Variants in HERC5 observed in about 807,000 individuals in gnomAD.
The protein encoded by HERC5 is HECT and RLD domain containing E3 ubiquitin protein ligase 5, also known as E3 ISG15--protein ligase HERC5.
Under a neutral mutation model 119.6 loss-of-function variants are expected in HERC5, and 99 were observed. The ratio of observed to expected loss-of-function variants is 0.83; its 90% CI spans 0.70 to 0.98. The LOEUF is 0.98. HERC5 is among the 50% of genes least tolerant of loss of function. The probability of loss-of-function intolerance (pLI) is 0.00; values close to 1 mark genes in which losing one functional copy is unlikely to be tolerated. For synonymous variants in HERC5, 478 were observed against 445.9 expected (o/e 1.07, Z -0.91); for missense variants, 1,267 against 1,241.3 (o/e 1.02, Z -0.31).
In HERC5 at chr4:88,463,534, A is replaced by G. The variant is rs1740524935; in HGVS notation, c.691A>G (p.Lys231Glu). ...CAGCTATTTTTTTCCTTACATAGGT[A>G]AAGATGATCCATCCCTTATTGAAGG... ...GQLGLGHTES[K>E]DDPSLIEGLD... is the part of the protein sequence containing the mutation. The change falls in exon 5 of 23, where the codon AAA becomes GAA. Residue 231 changes from lysine (K) to glutamate (E), a missense_variant and splice_region_variant. By Grantham distance (56) the Lys-to-Glu change is moderately conservative (BLOSUM62 1). Coordinates refer to ENST00000264350, the MANE Select transcript of HERC5 (RefSeq NM_016323.4). The G allele has an allele frequency of 6.2e-7, 1 of 1,610,946 alleles. No homozygotes were observed. Among genetic ancestry groups the G allele is most frequent in the Non-Finnish European group, 8.5e-7 (1 of 1,177,394 alleles).
chr4:88,467,316 C>T lies in HERC5; in HGVS notation c.1057+112C>T, dbSNP rs977514178. ...ACATATGACTATGAAGGGAGTTTCT[C>T]TAAATACTGGTTTCATTTTTTACTG... On this transcript the variant is annotated intron_variant, in intron 7 of 22. Transcript: ENST00000264350. The T allele has an allele frequency of 6.5e-6, 7 of 1,076,160 alleles. No individual in the cohort carries two copies. The African/African-American group carries it at 9.6e-5, about 15-fold the overall frequency. 66.7% of individuals were successfully genotyped at this position (1,076,160 alleles called of 1,614,324 possible).
chr4:88,498,214 G>C (rs1018962584), intron 18 of HERC5, among the ~76,000 whole-genome samples: 3 of 152,212 alleles, frequency 2.0e-5, no homozygotes, highest in African/African-American at 7.2e-5. Flanking sequence ...GCAATGCCTA[G>C]TGGAGTCATG....
In HERC5 at chr4:88,500,971, C is replaced by T. The variant is rs1741929767; in HGVS notation, c.2568C>T (p.Val856=). Residue 856 remains valine, a synonymous_variant, in exon 20 of 23, where the codon GTC becomes GTT. Transcript: ENST00000264350. ...TTCCTAATGGAAGTAGCATAACTGT[C>T]AACCAGACTAACAAGTAGGTACAAA... is the stretch of plus-strand genomic sequence containing the variant. ...NLIPNGSSIT[V]NQTNKRDYVS... 1 of 1,610,290 alleles carries T rather than the reference C, an allele frequency of 6.2e-7. No individual in the cohort carries two copies. The highest frequency in any genetic ancestry group is 8.5e-7 in the Non-Finnish European group (1 of 1,178,262).
intron 14 of HERC5, 45 bp downstream of exon 14, chr4:88,486,273 T>C: frequency 8.6e-7 from 1 of 1,166,606 alleles, no homozygotes; most frequent in Non-Finnish European, 1.3e-6. Flanking sequence ...ATCAGTGAGT[T>C]AATACAGGCA....
chr4:88,499,484 T>C (rs554668482), intron 18 of HERC5, among the ~76,000 whole-genome samples: 20 of 152,306 alleles, frequency 1.3e-4, no homozygotes, highest in African/African-American at 4.6e-4. Flanking sequence ...CTTGATGATA[T>C]TGGGACAAGA....
Position 88,493,167 on chromosome 4 carries a change from C to A in HERC5, c.2277+12C>A, listed in dbSNP as rs774633208. Reference sequence around the variant, plus strand: ...GGTTTCCTGTCAAGGTAAGTTCCCTCTTCTTTGCTTAAGGTATTTTGCGAC... The same window carrying A: ...GGTTTCCTGTCAAGGTAAGTTCCCTATTCTTTGCTTAAGGTATTTTGCGAC... On this transcript the variant is annotated intron_variant, in intron 17 of 22. Coordinates refer to ENST00000264350, the MANE Select transcript of HERC5 (RefSeq NM_016323.4). 6.3e-7 allele frequency: 1 copy of A among 1,589,644 alleles called. No individual in the cohort carries two copies. The highest frequency in any genetic ancestry group is 8.6e-7 in the Non-Finnish European group (1 of 1,158,980).
intron 12 of HERC5, among the ~76,000 whole-genome samples, chr4:88,477,462 G>A (rs1741120138): frequency 1.1e-5 from 1 of 94,300 alleles, no homozygotes; most frequent in Non-Finnish European, 2.2e-5. Context: ...GTGAAGGGAA[G>A]GGAACGGAAA....
At chr4:88,481,737 T>C (rs982971216) in intron 13 of HERC5, among the ~76,000 whole-genome samples, 3 of 152,058 alleles carry the variant, frequency 2.0e-5, no homozygotes, top group African/African-American at 7.2e-5. Flanking sequence ...CCACAGGCAA[T>C]ACAAAAATGA....
At position 88,469,184 on chromosome 4, in the gene HERC5, A is replaced by G. The variant is rs114749403; in HGVS notation, c.1162A>G (p.Ile388Val). 14 of 1,611,860 alleles carry G rather than the reference A, an allele frequency of 8.7e-6. No individual in the cohort carries two copies. Among genetic ancestry groups the G allele is most frequent in the African/African-American group, 4.0e-5 (3 of 74,980 alleles). ...TTCATATGTTAATCTGAAGAGGACA[A>G]TTCCTACTCTGAATGAAGGGACTGT... ...ENSYVNLKRT[I>V]PTLNEGTVKR... is the part of the protein sequence containing the mutation. The change falls in exon 9 of 23, where the codon ATT becomes GTT. Residue 388 changes from isoleucine to valine, a missense_variant. Transcript: ENST00000264350.
chr4:88,491,461 G>C (rs1441412358), intron 16 of HERC5, among the ~76,000 whole-genome samples: 1 of 152,164 alleles, frequency 6.6e-6, no homozygotes, highest in East Asian at 1.9e-4. Context: ...CTGCAATTCT[G>C]TTTCTAGAAA....
rs780439103 is a variant in HERC5, at chr4:88,470,630, T to C, written c.1255T>C (p.Phe419Leu). 3 of 1,512,424 alleles carry C rather than the reference T, an allele frequency of 2.0e-6. No individual in the cohort carries two copies. The highest frequency in any genetic ancestry group is 2.7e-6 in the Non-Finnish European group (3 of 1,092,880). The allele number at this position is 1,512,424 out of a possible 1,614,324, so 93.7% of individuals were successfully genotyped here. ...QSTKREIQEI[F>L]SSPACLTGSF... ...CTAATATAGGGAAATCCAAGAGATATTTTCATCTCCTGCTTGTCTAACTGG... is the reference window on the plus strand; with the variant it reads ...CTAATATAGGGAAATCCAAGAGATACTTTCATCTCCTGCTTGTCTAACTGG... The change falls in exon 10 of 23, where the codon TTT becomes CTT. Residue 419 changes from phenylalanine (F) to leucine (L), a missense_variant. This residue lies in a region of HERC5 where 777 missense variants were observed against 758.0 expected (regional missense o/e 1.03). Transcript: ENST00000264350.
Position 88,463,838 on chromosome 4 carries a change from A to G in HERC5, c.781-17A>G, listed in dbSNP as rs1199356910. 4 of 1,612,788 alleles carry G rather than the reference A, an allele frequency of 2.5e-6. No homozygotes were observed. The highest frequency in any genetic ancestry group is 3.4e-6 in the Non-Finnish European group (4 of 1,179,588). Reference sequence around the variant, plus strand: ...TTTTATTTTTCTAGCATCTGATATGACATTCCCTTTCCTTAGGATGGGCTG... The same window carrying G: ...TTTTATTTTTCTAGCATCTGATATGGCATTCCCTTTCCTTAGGATGGGCTG... On this transcript the variant is annotated splice_polypyrimidine_tract_variant and intron_variant, in intron 5 of 22. Transcript: ENST00000264350.
chr4:88,489,248 A>T lies in HERC5; in HGVS notation c.2045A>T (p.Asp682Val). 6.2e-7 allele frequency: 1 copy of T among 1,613,996 alleles called. No individual in the cohort carries two copies. The highest frequency in any genetic ancestry group is 8.5e-7 in the Non-Finnish European group (1 of 1,179,902). The change falls in exon 16 of 23, where the codon GAT (aspartate) becomes GTT (valine). Residue 682 changes from aspartate to valine, a missense_variant. Physicochemically the swap from Asp to Val is radical, Grantham distance 152. This residue lies in a region of HERC5 where 473 missense variants were observed against 445.7 expected (regional missense o/e 1.06). Transcript: ENST00000264350. ...ESEFALRPTF[D>V]LTVRRNHLIE... ...GAATTCGCTTTGAGGCCCACGTTTG[A>T]TCTAACAGTCAGAAGGAATCACTTG...
Position 88,493,138 on chromosome 4 carries a change from A to G in HERC5, c.2260A>G (p.Met754Val). The G allele has an allele frequency of 2.5e-6, 4 of 1,613,888 alleles. No individual in the cohort carries two copies. The highest frequency in any genetic ancestry group is 2.5e-6 in the Non-Finnish European group (3 of 1,179,862). ...CATGTATCCTGAAGGGGCTTCCTGCATGTGGTTTCCTGTCAAGGTAAGTTC... is the reference window on the plus strand; with the variant it reads ...CATGTATCCTGAAGGGGCTTCCTGCGTGTGGTTTCCTGTCAAGGTAAGTTC... ...MFMYPEGASC[M>V]WFPVKPKFEK... Residue 754 changes from methionine to valine, a missense_variant, in exon 17 of 23, where the codon ATG (methionine) becomes GTG (valine). Physicochemically the swap from Met to Val is conservative, Grantham distance 21. This residue lies in a region of HERC5 where 473 missense variants were observed against 445.7 expected (regional missense o/e 1.06). Transcript: ENST00000264350.
At chr4:88,464,548 GT>G (rs1389350640) in intron 6 of HERC5, among the ~76,000 whole-genome samples, 1 of 151,098 alleles carries the variant, frequency 6.6e-6, no homozygotes, top group Non-Finnish European at 1.5e-5. Flanking sequence ...TTATTTAAAG[GT>G]TTTTTGGTTT....
chr4:88,476,005 G>A lies in HERC5; in HGVS notation c.1557G>A (p.Met519Ile), dbSNP rs530839547. 5.9e-5 allele frequency: 96 copies of A among 1,613,896 alleles called. 1 individual carries two copies. In the South Asian group the frequency reaches 1.0e-3, roughly 17 times the overall value. ...CATTTGCAAAGGTTGTTTGTAAAAT[G>A]AGTGACCAGTCTTCACTGGTTCTGG... ...VVPFAKVVCK[M>I]SDQSSLVLEE... The change falls in exon 12 of 23, where the codon ATG (methionine) becomes ATA (isoleucine). Residue 519 changes from methionine to isoleucine, a missense_variant. Met to Ile is a conservative substitution (Grantham distance 10). This residue lies in a region of HERC5 where 777 missense variants were observed against 758.0 expected (regional missense o/e 1.03). Coordinates refer to ENST00000264350, the MANE Select transcript of HERC5 (RefSeq NM_016323.4).
At chr4:88,458,295 A>AT (rs1218221135) in intron 1 of HERC5, among the ~76,000 whole-genome samples, 1 of 151,568 alleles carries the variant, frequency 6.6e-6, no homozygotes, top group Non-Finnish European at 1.5e-5. Context: ...TAGTCTGTCA[A>AT]TTTTTTTGTC....
At chr4:88,494,118 A>G (rs1020138657) in intron 17 of HERC5, 47 bp from the exon 18 acceptor site, 2 of 1,153,078 alleles carry the variant, frequency 1.7e-6, no homozygotes, top group East Asian at 2.4e-5. Flanking sequence ...ATTTCATTGT[A>G]CTGGTAAAAA....
intron 10 of HERC5, among the ~76,000 whole-genome samples, chr4:88,471,498 C>G (rs947179958): frequency 3.3e-5 from 5 of 151,806 alleles, no homozygotes; most frequent in Non-Finnish European, 1.5e-5. Context: ...GTGCCACCAC[C>G]TCCTGCTAAT....
Sources: gnomAD v4.1 joint callset for allele counts (sites outside exome capture counted in the v4.1 genomes callset) on GRCh38, gnomAD v4.1.1 for gene constraint, gnomAD v4.1.1 regional missense constraint, MANE v1.5 for transcripts, NCBI Gene and HGNC (gene_info 2026-07-23, HGNC 2026-07-21) for gene names.